CNTNAP5: variants seen among roughly 807,000 people sequenced by gnomAD.
CNTNAP5 encodes the protein contactin-associated protein-like 5.
Under a neutral mutation model 150.2 loss-of-function variants are expected in CNTNAP5, and 72 were observed. The observed-to-expected ratio is 0.48, with a 90% CI of 0.40 to 0.58. The LOEUF (loss-of-function observed/expected upper bound fraction) is 0.58, where lower values mean the gene tolerates loss of function less well. CNTNAP5 is among the 20% of genes least tolerant of loss of function. The pLI is 0.00. For missense variants in CNTNAP5, 1,636 were observed against 1,626.2 expected (o/e 1.01, Z -0.10); for synonymous variants, 672 against 619.8 (o/e 1.08, Z -1.25).
intron 3 of CNTNAP5, among the ~76,000 whole-genome samples, chr2:124,284,449 G>A (rs1022909110): frequency 6.6e-6 from 1 of 151,994 alleles, no homozygotes; most frequent in African/African-American, 2.4e-5. Context: ...AACACACACT[G>A]ACACCTCTCA....
At chr2:124,555,221 C>G (rs1387701386) in intron 10 of CNTNAP5, among the ~76,000 whole-genome samples, 1 of 152,116 alleles carries the variant, frequency 6.6e-6, no homozygotes, top group Non-Finnish European at 1.5e-5. Context: ...CTTCTTTACC[C>G]AAAAACATTC....
At chr2:124,512,407 A>T (rs1201114000) in intron 8 of CNTNAP5, among the ~76,000 whole-genome samples, 1 of 152,102 alleles carries the variant, frequency 6.6e-6, no homozygotes, top group African/African-American at 2.4e-5. Context: ...AAACTAAGAG[A>T]TCTGACCCTG....
At chr2:124,785,277 A>G (rs1043000113) in intron 17 of CNTNAP5, among the ~76,000 whole-genome samples, 11 of 152,172 alleles carry the variant, frequency 7.2e-5, no homozygotes, top group Non-Finnish European at 1.3e-4. Context: ...TCAAGTGGAG[A>G]GTGCATGCCC....
chr2:124,517,679 G>C (rs1219363541), intron 8 of CNTNAP5, among the ~76,000 whole-genome samples: 3 of 145,804 alleles, frequency 2.1e-5, no homozygotes. Context: ...ATGGAGGGTT[G>C]TGGTGTTTGT....
chr2:124,323,501 G>A (rs571904380), intron 3 of CNTNAP5, among the ~76,000 whole-genome samples: 1 of 152,210 alleles, frequency 6.6e-6, no homozygotes, highest in African/African-American at 2.4e-5. Flanking sequence ...ATAAGTCAGG[G>A]GCAGAGGTTC....
chr2:124,797,200 G>C (rs985803020), intron 18 of CNTNAP5, among the ~76,000 whole-genome samples: 5 of 152,134 alleles, frequency 3.3e-5, no homozygotes, highest in Non-Finnish European at 7.4e-5. Context: ...GGACCACATG[G>C]CCGGCATGAA....
At chr2:124,599,188 CT>C (rs1322269331) in intron 11 of CNTNAP5, among the ~76,000 whole-genome samples, 2 of 152,198 alleles carry the variant, frequency 1.3e-5, no homozygotes, top group African/African-American at 2.4e-5. Context: ...ATTTAAATCT[CT>C]GATTCAATTA....
intron 10 of CNTNAP5, among the ~76,000 whole-genome samples, chr2:124,536,439 G>A (rs1206841890): frequency 6.6e-6 from 1 of 151,794 alleles, no homozygotes; most frequent in East Asian, 1.9e-4. Flanking sequence ...TTGGGGGCCG[G>A]GGCATCTGTG....
intron 19 of CNTNAP5, among the ~76,000 whole-genome samples, chr2:124,852,225 T>A (rs759817290): frequency 2.0e-5 from 3 of 152,222 alleles, no homozygotes; most frequent in Non-Finnish European, 2.9e-5. Context: ...GATGCACTAA[T>A]CAATTATGAC....
intron 1 of CNTNAP5, among the ~76,000 whole-genome samples, chr2:124,162,664 G>A (rs1413598971): frequency 6.6e-6 from 1 of 151,954 alleles, no homozygotes; most frequent in African/African-American, 2.4e-5. Flanking sequence ...TCAAGATAAG[G>A]GTAAGATTAA....
At chr2:124,272,423 C>T (rs1022969696) in intron 3 of CNTNAP5, among the ~76,000 whole-genome samples, 1 of 152,112 alleles carries the variant, frequency 6.6e-6, no homozygotes, top group African/African-American at 2.4e-5. Flanking sequence ...CATTTTTATA[C>T]AGAATGTGCT....
chr2:124,280,144 T>C (rs1480371918), intron 3 of CNTNAP5, among the ~76,000 whole-genome samples: 1 of 151,660 alleles, frequency 6.6e-6, no homozygotes, highest in East Asian at 1.9e-4. Context: ...TCTCTGTGAT[T>C]ATTTTATATA....
intron 3 of CNTNAP5, among the ~76,000 whole-genome samples, chr2:124,301,917 TGACTATATTTA>T (rs1239741342): frequency 1.3e-5 from 2 of 152,224 alleles, no homozygotes; most frequent in Non-Finnish European, 2.9e-5. Context: ...ACTTCCAAAG[TGACTATATTTA>T]GAGATAGGAC....
At chr2:124,385,963 C>A (rs2104742857) in intron 3 of CNTNAP5, among the ~76,000 whole-genome samples, 1 of 151,820 alleles carries the variant, frequency 6.6e-6, no homozygotes. Flanking sequence ...CACTATGTAT[C>A]TCCATAATGT....
intron 1 of CNTNAP5, among the ~76,000 whole-genome samples, chr2:124,179,841 C>G (rs13033123): frequency 0.22 from 34,185 of 152,164 alleles, 4,128 homozygotes; most frequent in African/African-American, 0.3. Context: ...CAATTCTTGG[C>G]CCCCATGCCA....
intron 1 of CNTNAP5, among the ~76,000 whole-genome samples, chr2:124,195,269 C>A (rs1051408874): frequency 6.6e-6 from 1 of 152,116 alleles, no homozygotes; most frequent in Non-Finnish European, 1.5e-5. Flanking sequence ...CTGCAGAGAG[C>A]GTGCATCCTG....
chr2:124,761,374 A>AC (rs1680951997), intron 14 of CNTNAP5, among the ~76,000 whole-genome samples: 2 of 152,168 alleles, frequency 1.3e-5, no homozygotes, highest in Non-Finnish European at 2.9e-5. Flanking sequence ...TATAGGCTCA[A>AC]CACAGCCTTC....
intron 1 of CNTNAP5, among the ~76,000 whole-genome samples, chr2:124,030,471 A>G (rs1459005500): frequency 6.6e-6 from 1 of 152,142 alleles, no homozygotes; most frequent in Non-Finnish European, 1.5e-5. Context: ...TTTATCTATT[A>G]TCAAACACCA....
intron 3 of CNTNAP5, among the ~76,000 whole-genome samples, chr2:124,277,778 G>A (rs1687918833): frequency 6.6e-6 from 1 of 152,126 alleles, no homozygotes; most frequent in African/African-American, 2.4e-5. Flanking sequence ...GCAATTCAAG[G>A]CTGATAGGGC....
Sources: gnomAD v4.1 joint callset for allele counts (sites outside exome capture counted in the v4.1 genomes callset) on GRCh38, gnomAD v4.1.1 for gene constraint, MANE v1.5 for transcripts, NCBI Gene and HGNC (gene_info 2026-07-23, HGNC 2026-07-21) for gene names.